AHSG: variants seen among roughly 807,000 people sequenced by gnomAD.
The protein encoded by AHSG is alpha-2-HS-glycoprotein.
Under a neutral mutation model 30.1 loss-of-function variants are expected in AHSG, and 23 were observed. That is an observed-to-expected ratio of 0.76 (90% CI 0.55 to 1.08). The LOEUF is 1.08. AHSG is among the 50% of genes least tolerant of loss of function. AHSG has a pLI of 0.00. For synonymous variants in AHSG, 164 were observed against 186.3 expected (o/e 0.88, Z 0.98); for missense variants, 469 against 459.5 (o/e 1.02, Z -0.19).
chr3:186,616,901 G>A (rs1716320949), intron 3 of AHSG, among the ~76,000 whole-genome samples: 1 of 152,190 alleles, frequency 6.6e-6, no homozygotes. Flanking sequence ...GGCAGAGGTG[G>A]CAGTGGGCCG....
At chr3:186,618,717 C>A in intron 5 of AHSG, 80 bp downstream of exon 5, 2 of 1,548,340 alleles carry the variant, frequency 1.3e-6, no homozygotes, top group Admixed American at 1.9e-5. Flanking sequence ...TAGTTTGTAT[C>A]TTGGGGCTGC....
intron 6 of AHSG, 39 bp downstream of exon 6, chr3:186,619,979 A>G: frequency 6.7e-7 from 1 of 1,495,452 alleles, no homozygotes; most frequent in Non-Finnish European, 9.2e-7. Flanking sequence ...CACCTTCAGA[A>G]TACAATGACC....
chr3:186,618,668 A>C (rs1470920897), intron 5 of AHSG, 31 bp downstream of exon 5: 1 of 1,610,674 alleles, frequency 6.2e-7, no homozygotes, highest in South Asian at 1.1e-5. Context: ...GGGTGTTACC[A>C]CTCGGACAGA....
Position 186,617,257 on chromosome 3 carries a change from G to A in AHSG, c.480G>A (p.Val160=), listed in dbSNP as rs1307063351. 1.9e-6 allele frequency: 3 copies of A among 1,614,058 alleles called. No individual in the cohort carries two copies. The African/African-American group carries it at 4.0e-5, about 22-fold the overall frequency. The change falls in exon 4 of 7, where the codon GTG becomes GTA. Residue 160 remains valine, a synonymous_variant. Transcript: ENST00000411641. ...PLLAPLNDTR[V]VHAAKAALAA... is the part of the protein sequence containing the mutation. ...TGGCCCCGCTGAACGACACCAGGGT[G>A]GTGCACGCCGCGAAAGCTGCCCTGG...
chr3:186,617,464 A>G, intron 4 of AHSG, 114 bp downstream of exon 4: 1 of 1,566,476 alleles, frequency 6.4e-7, no homozygotes, highest in East Asian at 2.3e-5. Flanking sequence ...GCGATGAGAA[A>G]GCAAGGAGAG....
In AHSG at chr3:186,617,252, AG is replaced by A; in HGVS notation, c.478del (p.Val160TrpfsTer86). On this transcript the variant is annotated frameshift_variant, in exon 4 of 7. Coordinates refer to ENST00000411641, the MANE Select transcript of AHSG (RefSeq NM_001622.4). LOFTEE classifies it high-confidence loss of function. ...CCTGCTGGCCCCGCTGAACGACACCAGGGTGGTGCACGCCGCGAAAGCTGCC... is the reference window on the plus strand; with the variant it reads ...CCTGCTGGCCCCGCTGAACGACACCAGGTGGTGCACGCCGCGAAAGCTGCC... ...CPLLAPLNDTRVVHAAKAALA... is the reference protein window; with the variant it reads ...CPLLAPLNDTXVVHAAKAALA... 6 of 1,614,132 alleles carry A rather than the reference AG, an allele frequency of 3.7e-6. No individual in the cohort carries two copies. Among genetic ancestry groups the A allele is most frequent in the Non-Finnish European group, 5.1e-6 (6 of 1,180,012 alleles).
rs571794436 is a variant in AHSG at position 186,616,853 on chromosome 3, T to C, written c.409+326T>C. The stretch of plus-strand genomic sequence containing the variant: ...GGTGCTCGCCTGTAATCCCAGCTAC[T>C]AGGGAGGCTGAGGCAGGAGAATCGC... On this transcript the variant is annotated intron_variant, in intron 3 of 6. Coordinates refer to ENST00000411641, the MANE Select transcript of AHSG (RefSeq NM_001622.4). Among the ~76,000 whole-genome samples, 55 of 152,074 alleles carry C rather than the reference T, an allele frequency of 3.6e-4. No individual in the cohort carries two copies. The South Asian group carries it at 9.8e-3, about 27-fold the overall frequency.
chr3:186,618,427 G>A, intron 4 of AHSG, 109 bp from the exon 5 acceptor site: 1 of 1,525,728 alleles, frequency 6.6e-7, no homozygotes. Context: ...GCCGACGCAT[G>A]GTCTGCATGA....
intron 4 of AHSG, 66 bp from the exon 5 acceptor site, chr3:186,618,470 C>G (rs1716377494): frequency 1.3e-5 from 21 of 1,589,450 alleles, no homozygotes; most frequent in Non-Finnish European, 1.7e-5. Flanking sequence ...ACTTCCCGCT[C>G]TCCTTCTCTG....
At chr3:186,620,055 C>T in intron 6 of AHSG, 115 bp downstream of exon 6, 1 of 708,902 alleles carries the variant, frequency 1.4e-6, no homozygotes. Context: ...CTGAATCTCA[C>T]AGTATGAAAT....
chr3:186,615,879 C>T, intron 2 of AHSG, 84 bp downstream of exon 2: 2 of 1,265,030 alleles, frequency 1.6e-6, no homozygotes, highest in Non-Finnish European at 1.1e-6. Flanking sequence ...GCCTTCTTGG[C>T]TAGCCAGGGT....
Position 186,621,031 on chromosome 3 carries a change from A to T in AHSG, c.*101A>T. The T allele has an allele frequency of 1.8e-6, 2 of 1,114,210 alleles. No homozygotes were observed. The highest frequency in any genetic ancestry group is 2.6e-5 in the East Asian group (1 of 38,988). 69.0% of individuals were successfully genotyped at this position (1,114,210 alleles called of 1,614,324 possible). The stretch of plus-strand genomic sequence containing the variant: ...GGGGGCCTTGTCTGCTGGCCACGCA[A>T]GTGTCACATGCGATCTACATTAATA... On this transcript the variant is annotated 3_prime_UTR_variant, in exon 7 of 7. Transcript: ENST00000411641.
In AHSG at chr3:186,620,589, G is replaced by T. The variant is rs761660984; in HGVS notation, c.763G>T (p.Val255Leu). ...VTCMVFQTQP[V>L]SSQPQPEGAN... Reference sequence around the variant, plus strand: ...AAGGAAATGGTCCTTTTTCCAGCCCGTGAGCTCACAGCCCCAACCAGAAGG... The same window carrying T: ...AAGGAAATGGTCCTTTTTCCAGCCCTTGAGCTCACAGCCCCAACCAGAAGG... The change falls in exon 7 of 7, where the codon GTG becomes TTG. Residue 255 changes from valine (V) to leucine (L), a missense_variant. By Grantham distance (32) the Val-to-Leu change is conservative (BLOSUM62 1). Transcript: ENST00000411641. The T allele has an allele frequency of 6.3e-7, 1 of 1,590,002 alleles. No homozygotes were observed. Among genetic ancestry groups the T allele is most frequent in the Non-Finnish European group, 8.6e-7 (1 of 1,162,428 alleles).
At chr3:186,617,142 C>CA in intron 3 of AHSG, 45 bp from the exon 4 acceptor site, 2 of 1,577,796 alleles carry the variant, frequency 1.3e-6, no homozygotes, top group Non-Finnish European at 1.7e-6. Flanking sequence ...GGGGCCATGC[C>CA]AGGGAGAATG....
In AHSG at chr3:186,620,642, G is replaced by C. The variant is rs200778640; in HGVS notation, c.816G>C (p.Val272=). The change falls in exon 7 of 7, where the codon GTG becomes GTC. Residue 272 remains valine, a synonymous_variant. Transcript: ENST00000411641. ...CCAATGAAGCAGTCCCCACACCCGT[G>C]GTGGACCCAGATGCACCTCCGTCCC... ...EGANEAVPTP[V]VDPDAPPSPP... 6.2e-6 allele frequency: 10 copies of C among 1,613,564 alleles called. No individual in the cohort carries two copies. The highest frequency in any genetic ancestry group is 8.5e-6 in the Non-Finnish European group (10 of 1,179,736).
intron 1 of AHSG, among the ~76,000 whole-genome samples, chr3:186,614,154 G>A (rs1168016762): frequency 6.6e-6 from 1 of 152,130 alleles, no homozygotes; most frequent in Non-Finnish European, 1.5e-5. Context: ...AATATGCCTC[G>A]GGGATCAGTC....
rs1716478571 is a variant in AHSG at position 186,621,024 on chromosome 3, C to A, written c.*94C>A. The A allele has an allele frequency of 1.6e-6, 2 of 1,226,252 alleles. No homozygotes were observed. The highest frequency in any genetic ancestry group is 2.3e-6 in the Non-Finnish European group (2 of 874,592). The allele number at this position is 1,226,252 out of a possible 1,614,324, so 76.0% of individuals were successfully genotyped here. On this transcript the variant is annotated 3_prime_UTR_variant, in exon 7 of 7. Coordinates refer to ENST00000411641, the MANE Select transcript of AHSG (RefSeq NM_001622.4). ...ATGGGTGGGGGGCCTTGTCTGCTGG[C>A]CACGCAAGTGTCACATGCGATCTAC...
chr3:186,621,028 GCAAGTGTCA>G lies in AHSG; in HGVS notation c.*101_*109del. ...GTGGGGGGCCTTGTCTGCTGGCCAC[GCAAGTGTCA>G]CATGCGATCTACATTAATATCAAGT... On this transcript the variant is annotated 3_prime_UTR_variant, in exon 7 of 7. Coordinates refer to ENST00000411641, the MANE Select transcript of AHSG (RefSeq NM_001622.4). 1 of 1,172,824 alleles carries G rather than the reference GCAAGTGTCA, an allele frequency of 8.5e-7. No individual in the cohort carries two copies. Among genetic ancestry groups the G allele is most frequent in the Non-Finnish European group, 1.2e-6 (1 of 827,914 alleles). The allele number at this position is 1,172,824 out of a possible 1,614,324, so 72.7% of individuals were successfully genotyped here. A position where few individuals can be genotyped will look rare whatever the true frequency, so the allele number is the denominator to read the frequency against.
In AHSG at chr3:186,620,680, C is replaced by T. The variant is rs1381896711; in HGVS notation, c.854C>T (p.Ala285Val). ...GCACCTCCGTCCCCTCCACTTGGCG[C>T]ACCTGGACTCCCTCCAGCTGGCTCA... ...PDAPPSPPLG[A>V]PGLPPAGSPP... The change falls in exon 7 of 7, where the codon GCA becomes GTA. Residue 285 changes from alanine to valine, a missense_variant. Coordinates refer to ENST00000411641, the MANE Select transcript of AHSG (RefSeq NM_001622.4). 6.2e-7 allele frequency: 1 copy of T among 1,614,202 alleles called. No homozygotes were observed. Among genetic ancestry groups the T allele is most frequent in the Non-Finnish European group, 8.5e-7 (1 of 1,180,034 alleles).
Sources: allele counts gnomAD v4.1 joint callset (sites outside exome capture counted in the v4.1 genomes callset), GRCh38; gene constraint gnomAD v4.1.1; transcripts MANE v1.5; gene names NCBI Gene and HGNC (gene_info 2026-07-23, HGNC 2026-07-21).